The following SLC35F4 variants were observed in gnomAD, a reference collection of about 807,000 sequenced individuals.
SLC35F4 encodes the protein solute carrier family 35 member F4, also known as chromosome 14 open reading frame 36.
A neutral mutation model predicts 44.2 loss-of-function variants in SLC35F4; 24 were observed. The observed-to-expected ratio is 0.54, with a 90% CI of 0.39 to 0.76. SLC35F4 has a LOEUF of 0.76. Ranked by LOEUF, SLC35F4 falls within the 30% of genes least tolerant of loss-of-function variation. The pLI is 0.00. For synonymous variants in SLC35F4, 238 were observed against 223.6 expected (o/e 1.06, Z -0.57); for missense variants, 562 against 586.1 (o/e 0.96, Z 0.42).
intron 1 of SLC35F4, among the ~76,000 whole-genome samples, chr14:57,641,827 T>A (rs2073254729): frequency 6.6e-6 from 1 of 151,946 alleles, no homozygotes; most frequent in African/African-American, 2.4e-5. Context: ...TAAGCAACAC[T>A]CACCTGTCTA....
chr14:57,778,942 A>G lies in SLC35F4; in HGVS notation c.103+86781T>C, dbSNP rs558617843. ...AAACCAATGAGAATAATGATACAAAATACCACAATCTCTTGGACACTGATA... is the reference window on the plus strand; with the variant it reads ...AAACCAATGAGAATAATGATACAAAGTACCACAATCTCTTGGACACTGATA... On this transcript the variant is annotated intron_variant, in intron 1 of 7. Transcript: ENST00000556826. Among the ~76,000 whole-genome samples the G allele has an allele frequency of 5.9e-5, 9 of 152,282 alleles. No homozygotes were observed. In the South Asian group the frequency reaches 1.7e-3, roughly 28 times the overall value.
At chr14:57,710,194 A>T (rs946356818) in intron 1 of SLC35F4, among the ~76,000 whole-genome samples, 5 of 152,216 alleles carry the variant, frequency 3.3e-5, no homozygotes, top group African/African-American at 1.2e-4. Flanking sequence ...TATGGCTAAA[A>T]GGGGCCAAGG....
At chr14:57,910,095 T>C (rs147029632) in intron 1 of SLC35F4, among the ~76,000 whole-genome samples, 216 of 152,292 alleles carry the variant, frequency 1.4e-3, no homozygotes, top group Non-Finnish European at 2.4e-3. Context: ...TCTGTATGTC[T>C]TCTTTGGTGA....
rs145890998 is a variant in SLC35F4, at chr14:57,978,328, T to C, written n.152-1371A>G. Reference sequence around the variant, plus strand: ...GAAGACAGCTGTGATCTGTATGTAATAGAATCGACACATACTTTGGATATG... The same window carrying C: ...GAAGACAGCTGTGATCTGTATGTAACAGAATCGACACATACTTTGGATATG... On this transcript the variant is annotated intron_variant and non_coding_transcript_variant, in intron 1 of 1. Transcript: ENST00000554648. 5.9e-5 allele frequency among the ~76,000 whole-genome samples: 9 copies of C among 152,292 alleles called. 1 individual carries two copies. The East Asian group carries it at 1.5e-3, about 26-fold the overall frequency.
intron 1 of SLC35F4, among the ~76,000 whole-genome samples, chr14:57,876,948 T>C (rs1291894462): frequency 6.6e-6 from 1 of 152,150 alleles, no homozygotes; most frequent in African/African-American, 2.4e-5. Context: ...TAGGTCTTTT[T>C]CTCTCCTTTT....
intron 1 of SLC35F4, among the ~76,000 whole-genome samples, chr14:57,877,727 C>T (rs1168602270): frequency 7.8e-6 from 1 of 128,238 alleles, no homozygotes. Context: ...GCTCTGTTAC[C>T]CAGGCTGGAG....
intron 1 of SLC35F4, among the ~76,000 whole-genome samples, chr14:57,658,167 G>A (rs1401244965): frequency 6.6e-6 from 1 of 152,144 alleles, no homozygotes; most frequent in Non-Finnish European, 1.5e-5. Context: ...TGATATGAGT[G>A]TTTGGTAACT....
intron 1 of SLC35F4, among the ~76,000 whole-genome samples, chr14:57,652,860 G>C (rs114205682): frequency 6.6e-6 from 1 of 152,214 alleles, no homozygotes; most frequent in Non-Finnish European, 1.5e-5. Context: ...GAGATGATTT[G>C]TGGATATTGA....
At chr14:57,717,560 T>C (rs1042849508) in intron 1 of SLC35F4, among the ~76,000 whole-genome samples, 2 of 152,142 alleles carry the variant, frequency 1.3e-5, no homozygotes, top group African/African-American at 4.8e-5. Context: ...GGCATGAACC[T>C]GGGAGACGGA....
chr14:57,937,600 GA>G (rs1226013041), intron 1 of SLC35F4, among the ~76,000 whole-genome samples: 2 of 70,034 alleles, frequency 2.9e-5, no homozygotes, highest in Non-Finnish European at 5.5e-5. Flanking sequence ...GAAAAGAAAA[GA>G]AAAGAAAAGA....
chr14:57,626,645 C>G (rs531787895), intron 1 of SLC35F4, among the ~76,000 whole-genome samples: 1 of 152,032 alleles, frequency 6.6e-6, no homozygotes, highest in African/African-American at 2.4e-5. Flanking sequence ...CTCGATAGCA[C>G]GCAGTAATTG....
intron 1 of SLC35F4, chr14:57,629,801 G>T (rs760463775): frequency 6.1e-6 from 2 of 325,588 alleles, no homozygotes; most frequent in African/African-American, 2.2e-5. Context: ...AATTACAACT[G>T]CATGACTGTA....
intron 4 of SLC35F4, among the ~76,000 whole-genome samples, chr14:57,574,902 C>T (rs1344494192): frequency 6.6e-6 from 1 of 151,380 alleles, no homozygotes; most frequent in East Asian, 2.0e-4. Flanking sequence ...CTCTGTTCTT[C>T]TCAACAGAAA....
intron 1 of SLC35F4, among the ~76,000 whole-genome samples, chr14:57,863,360 A>C (rs1887841014): frequency 1.3e-5 from 2 of 152,242 alleles, no homozygotes; most frequent in Non-Finnish European, 1.5e-5. Context: ...AAACAGCAGG[A>C]TGCATTAACA....
intron 1 of SLC35F4, among the ~76,000 whole-genome samples, chr14:57,631,964 G>A (rs2140131764): frequency 6.6e-6 from 1 of 152,216 alleles, no homozygotes; most frequent in Non-Finnish European, 1.5e-5. Context: ...TTTGGTTTTA[G>A]TAATCTAGGC....
intron 1 of SLC35F4, among the ~76,000 whole-genome samples, chr14:57,798,290 A>C (rs1477622126): frequency 6.6e-6 from 1 of 152,180 alleles, no homozygotes; most frequent in Non-Finnish European, 1.5e-5. Flanking sequence ...CTAGGTAGGT[A>C]TCACAGAACC....
At chr14:57,859,610 A>T (rs568992515) in intron 1 of SLC35F4, among the ~76,000 whole-genome samples, 14 of 152,306 alleles carry the variant, frequency 9.2e-5, no homozygotes, top group African/African-American at 3.4e-4. Context: ...TACTTCAGGT[A>T]TTTGATTAGG....
At chr14:57,803,644 C>T (rs959841849) in intron 1 of SLC35F4, among the ~76,000 whole-genome samples, 24 of 131,354 alleles carry the variant, frequency 1.8e-4, no homozygotes, top group African/African-American at 3.8e-4. Flanking sequence ...GACTGGGGTA[C>T]GAAGGCACGA....
intron 1 of SLC35F4, among the ~76,000 whole-genome samples, chr14:57,760,767 C>T (rs537205637): frequency 6.6e-6 from 1 of 152,196 alleles, no homozygotes; most frequent in East Asian, 1.9e-4. Flanking sequence ...TTTTTTCTGT[C>T]CTGCTGGTGT....
Sources: allele counts gnomAD v4.1 joint callset (sites outside exome capture counted in the v4.1 genomes callset), GRCh38; gene constraint gnomAD v4.1.1; transcripts MANE v1.5; gene names NCBI Gene and HGNC (gene_info 2026-07-23, HGNC 2026-07-21).